Variants in ZNF560 observed in about 807,000 individuals in gnomAD.
The protein encoded by ZNF560 is zinc finger protein 560.
Under a neutral mutation model 81.8 loss-of-function variants are expected in ZNF560, and 54 were observed. The observed-to-expected ratio is 0.66, with a 90% CI of 0.53 to 0.83. ZNF560 has a LOEUF of 0.83. ZNF560 is among the 40% of genes least tolerant of loss of function. The probability of loss-of-function intolerance (pLI) is 0.00; values close to 1 mark genes in which losing one functional copy is unlikely to be tolerated. For synonymous variants in ZNF560, 321 were observed against 317.9 expected (o/e 1.01, Z -0.10); for missense variants, 940 against 932.4 (o/e 1.01, Z -0.11).
At position 9,467,670 on chromosome 19, in the gene ZNF560, T is replaced by C. The variant is rs2073050452; in HGVS notation, c.1277A>G (p.His426Arg). ...SAGLIEHIRCHAREKTFKCDH... is the reference protein window; with the variant it reads ...SAGLIEHIRCRAREKTFKCDH... The stretch of plus-strand genomic sequence containing the variant: ...ACATTTAAAGGTTTTCTCTCTGGCG[T>C]GACATCTTATATGTTCAATAAGGCC... Residue 426 changes from histidine to arginine, a missense_variant, in exon 10 of 10, where the codon CAC becomes CGC. His to Arg is a conservative substitution (Grantham distance 29). Transcript: ENST00000301480. 3.7e-6 allele frequency: 6 copies of C among 1,614,098 alleles called. No individual in the cohort carries two copies. The highest frequency in any genetic ancestry group is 5.1e-6 in the Non-Finnish European group (6 of 1,180,012).
At chr19:9,452,543 A>G in the ZNF560 span, among the ~76,000 whole-genome samples, 2 of 152,256 alleles carry the variant, frequency 1.3e-5, no homozygotes, top group South Asian at 2.1e-4. Context: ...AACGTAGTAC[A>G]TATACACCAT....
At position 9,474,865 on chromosome 19, in the gene ZNF560, G is replaced by GT. The variant is rs1336492910; in HGVS notation, c.30+418dup. On this transcript the variant is annotated intron_variant, in intron 3 of 9. Transcript: ENST00000301480. ...TTTTTTTTGTGGAGACAATGTCTCAGTATGTTGCCCAGGCTGGTCTCAAAT... is the reference window on the plus strand; with the variant it reads ...TTTTTTTTGTGGAGACAATGTCTCAGTTATGTTGCCCAGGCTGGTCTCAAAT... Among the ~76,000 whole-genome samples the GT allele has an allele frequency of 2.5e-5, 3 of 122,426 alleles. No individual in the cohort carries two copies. In the East Asian group the frequency reaches 7.4e-4, roughly 30 times the overall value. The allele number at this position is 122,426 out of a possible 152,430, so 80.3% of individuals were successfully genotyped here.
At chr19:9,479,696 T>G (rs2073255672) in intron 2 of ZNF560, among the ~76,000 whole-genome samples, 1 of 152,188 alleles carries the variant, frequency 6.6e-6, no homozygotes, top group South Asian at 2.1e-4. Flanking sequence ...ATATTTTCCC[T>G]GCTCATTATT....
At chr19:9,454,202 A>G in the ZNF560 span, among the ~76,000 whole-genome samples, 9 of 152,244 alleles carry the variant, frequency 5.9e-5, no homozygotes, top group African/African-American at 2.2e-4. Context: ...CAGTTAATCT[A>G]TAAACTGCAG....
At position 9,479,643 on chromosome 19, in the gene ZNF560, GA is replaced by G. The variant is rs567881062; in HGVS notation, c.-56-4275del. 3.3e-4 allele frequency among the ~76,000 whole-genome samples: 48 copies of G among 147,310 alleles called. No individual in the cohort carries two copies. The South Asian group carries it at 3.4e-3, about 10-fold the overall frequency. ...ACCTGCCATGGATTGAAAATATCCA[GA>G]AAAAAAAAATGCATGGGTCCAACTT... On this transcript the variant is annotated intron_variant, in intron 2 of 9. Transcript: ENST00000301480.
At position 9,475,373 on chromosome 19, in the gene ZNF560, G is replaced by A; in HGVS notation, c.-56-4C>T. On this transcript the variant is annotated splice_polypyrimidine_tract_variant and splice_region_variant and intron_variant, in intron 2 of 9. Coordinates refer to ENST00000301480, the MANE Select transcript of ZNF560 (RefSeq NM_152476.3). ...CAGATTGGGTTCCTAGAAAGACCTGGAAAAGAAAGAAGGCATAAGAGCCCA... is the reference window on the plus strand; with the variant it reads ...CAGATTGGGTTCCTAGAAAGACCTGAAAAAGAAAGAAGGCATAAGAGCCCA... The A allele has an allele frequency of 3.2e-6, 5 of 1,562,590 alleles. No homozygotes were observed. Among genetic ancestry groups the A allele is most frequent in the Non-Finnish European group, 4.4e-6 (5 of 1,137,462 alleles).
At chr19:9,466,342 CAA>C (rs771609940), downstream of ZNF560, among the ~76,000 whole-genome samples, 84 of 127,046 alleles carry the variant, frequency 6.6e-4, no homozygotes, top group East Asian at 0.014. Context: ...TGAGACTCAT[CAA>C]AAAAAAAAAA....
intron 2 of ZNF560, among the ~76,000 whole-genome samples, chr19:9,478,141 C>T (rs2073231234): frequency 6.6e-6 from 1 of 151,986 alleles, no homozygotes; most frequent in Admixed American, 6.6e-5. Flanking sequence ...TTGGAAGCAG[C>T]ATGAAAAAAG....
intron 2 of ZNF560, among the ~76,000 whole-genome samples, chr19:9,484,930 A>C (rs2073361804): frequency 2.6e-5 from 4 of 152,320 alleles, no homozygotes; most frequent in South Asian, 4.1e-4. Flanking sequence ...AACTACAGAA[A>C]TACAAAGGAT....
chr19:9,484,777 C>T (rs1003795837), intron 2 of ZNF560, among the ~76,000 whole-genome samples: 1 of 147,540 alleles, frequency 6.8e-6, no homozygotes, highest in Admixed American at 6.8e-5. Context: ...AGCAAGACTC[C>T]ATCTCAAAAA....
intron 2 of ZNF560, among the ~76,000 whole-genome samples, chr19:9,483,254 G>T (rs923013918): frequency 6.6e-6 from 1 of 151,458 alleles, no homozygotes; most frequent in Admixed American, 6.6e-5. Context: ...TCTGAGATGT[G>T]GGGAGCACCT....
At chr19:9,491,118 G>A (rs920655182) in intron 2 of ZNF560, among the ~76,000 whole-genome samples, 2 of 151,980 alleles carry the variant, frequency 1.3e-5, no homozygotes, top group African/African-American at 4.8e-5. Flanking sequence ...AGTTGGTTTT[G>A]TTTTGTTTTT....
chr19:9,487,931 A>G (rs988580119), intron 2 of ZNF560, among the ~76,000 whole-genome samples: 1 of 152,200 alleles, frequency 6.6e-6, no homozygotes, highest in African/African-American at 2.4e-5. Flanking sequence ...GATCCAGATA[A>G]GAAACATGAT....
the ZNF560 span, among the ~76,000 whole-genome samples, chr19:9,452,451 A>G: frequency 6.6e-6 from 1 of 152,238 alleles, no homozygotes; most frequent in Non-Finnish European, 1.5e-5. Context: ...ACATACACTC[A>G]TATATTCATC....
Position 9,467,405 on chromosome 19 carries a change from C to G in ZNF560, c.1542G>C (p.Lys514Asn). The G allele has an allele frequency of 6.2e-7, 1 of 1,614,014 alleles. No individual in the cohort carries two copies. Among genetic ancestry groups the G allele is most frequent in the Non-Finnish European group, 8.5e-7 (1 of 1,180,000 alleles). ...TCCCACATTTGTAACACTTAAAGGG[C>G]TTCTCACCAGTGTGAGTTCTCAAAT... ...FAHLRTHTGE[K>N]PFKCYKCGKP... Residue 514 changes from lysine (K) to asparagine (N), a missense_variant, in exon 10 of 10, where the codon AAG (lysine) becomes AAC (asparagine). By Grantham distance (94) the Lys-to-Asn change is moderately conservative. Transcript: ENST00000301480.
At chr19:9,465,957 G>C (rs1029297182), downstream of ZNF560, among the ~76,000 whole-genome samples, 25 of 152,106 alleles carry the variant, frequency 1.6e-4, no homozygotes, top group Non-Finnish European at 5.9e-5. Flanking sequence ...TCATGCTACT[G>C]CACTCCAGCC....
intron 2 of ZNF560, among the ~76,000 whole-genome samples, chr19:9,480,016 TAAA>T (rs1264041063): frequency 2.6e-5 from 4 of 152,072 alleles, no homozygotes; most frequent in Non-Finnish European, 5.9e-5. Flanking sequence ...TAGATTGCAA[TAAA>T]ATAATGGGAG....
At chr19:9,498,369 T>G (rs2073595587) in intron 1 of ZNF560, among the ~76,000 whole-genome samples, 154 bp from the exon 2 acceptor site, 1 of 151,816 alleles carries the variant, frequency 6.6e-6, no homozygotes, top group Non-Finnish European at 1.5e-5. Context: ...GGACCGAAGG[T>G]CCCAATGGCC....
chr19:9,466,354 AAG>A lies in ZNF560; in HGVS notation c.*218_*219del, dbSNP rs538986739. ...GAGTGAGACTCATCAAAAAAAAAAA[AAG>A]AGAGAGAGAAGAACTAGTGTTTTCC... is the stretch of plus-strand genomic sequence containing the variant. On this transcript the variant is annotated 3_prime_UTR_variant, in exon 10 of 10. Transcript: ENST00000301480. 0.049 allele frequency among the ~76,000 whole-genome samples: 7,382 copies of A among 149,912 alleles called. 618 individuals carry two copies. Among genetic ancestry groups the A allele is most frequent in the African/African-American group, 0.17 (6,968 of 40,420 alleles).
Sources: gnomAD v4.1 joint callset for allele counts (sites outside exome capture counted in the v4.1 genomes callset) on GRCh38, gnomAD v4.1.1 for gene constraint, MANE v1.5 for transcripts, NCBI Gene and HGNC (gene_info 2026-07-23, HGNC 2026-07-21) for gene names.